EYS: variants seen among roughly 807,000 people sequenced by gnomAD.
EYS encodes protein eyes shut homolog.
A neutral mutation model predicts 282.1 loss-of-function variants in EYS; 250 were observed. That is an observed-to-expected ratio of 0.89 (90% CI 0.80 to 0.98). The LOEUF is 0.98. EYS is among the 50% of genes least tolerant of loss of function. The probability of loss-of-function intolerance (pLI) is 0.00; values close to 1 mark genes in which losing one functional copy is unlikely to be tolerated. For synonymous variants in EYS, 1,355 were observed against 1,282.9 expected (o/e 1.06, Z -1.20); for missense variants, 4,016 against 3,709.0 (o/e 1.08, Z -2.15).
At chr6:64,550,674 C>T (rs1406808442) in intron 26 of EYS, among the ~76,000 whole-genome samples, 2 of 152,136 alleles carry the variant, frequency 1.3e-5, no homozygotes, top group Admixed American at 6.5e-5. Context: ...TCAAATTGTC[C>T]CTGTTTTCAG....
At chr6:65,025,943 T>G (rs2150141061) in intron 13 of EYS, among the ~76,000 whole-genome samples, 1 of 152,294 alleles carries the variant, frequency 6.6e-6, no homozygotes, top group Non-Finnish European at 1.5e-5. Flanking sequence ...TACAAGAGCT[T>G]ATTTTAAAAC....
At chr6:64,062,579 C>T (rs1223809963) in intron 33 of EYS, among the ~76,000 whole-genome samples, 3 of 151,412 alleles carry the variant, frequency 2.0e-5, no homozygotes, top group African/African-American at 4.9e-5. Context: ...GTAATCCCAG[C>T]TGCTTGGAGG....
At chr6:64,624,859 A>G (rs1287972922) in intron 23 of EYS, among the ~76,000 whole-genome samples, 1 of 152,140 alleles carries the variant, frequency 6.6e-6, no homozygotes, top group African/African-American at 2.4e-5. Flanking sequence ...TGAGGTAGGT[A>G]AATAGGGACT....
intron 26 of EYS, among the ~76,000 whole-genome samples, chr6:64,581,364 T>A (rs1582918110): frequency 6.6e-6 from 1 of 152,098 alleles, no homozygotes; most frequent in Non-Finnish European, 1.5e-5. Context: ...TGGGCTGAGT[T>A]GAAAATGAAA....
chr6:64,199,301 T>C (rs1030792074), intron 31 of EYS, among the ~76,000 whole-genome samples: 1 of 152,194 alleles, frequency 6.6e-6, no homozygotes, highest in Admixed American at 6.5e-5. Context: ...CAATTTGATT[T>C]TGACAAACCT....
At chr6:64,000,242 A>AGTGCAGT (rs1768029717) in intron 33 of EYS, among the ~76,000 whole-genome samples, 1 of 113,856 alleles carries the variant, frequency 8.8e-6, no homozygotes, top group African/African-American at 3.4e-5. Flanking sequence ...CCCAGGCTGG[A>AGTGCAGT]GTGCAGTGGC....
intron 12 of EYS, among the ~76,000 whole-genome samples, chr6:65,207,016 C>T (rs189505617): frequency 2.6e-5 from 4 of 151,738 alleles, no homozygotes; most frequent in African/African-American, 4.8e-5. Context: ...TAGTTGAATT[C>T]GTAGCTAGAG....
intron 22 of EYS, among the ~76,000 whole-genome samples, chr6:64,676,310 A>ATATATC (rs1366431365): frequency 8.2e-5 from 11 of 133,382 alleles, no homozygotes; most frequent in South Asian, 5.1e-4. Context: ...TCTATATCCA[A>ATATATC]TATATCTATA....
intron 5 of EYS, among the ~76,000 whole-genome samples, chr6:65,451,393 C>T (rs1259448143): frequency 1.3e-5 from 2 of 152,070 alleles, no homozygotes; most frequent in Non-Finnish European, 2.9e-5. Flanking sequence ...TTTACTACCT[C>T]AATCAAAATG....
intron 14 of EYS, among the ~76,000 whole-genome samples, chr6:64,978,843 G>T (rs549119598): frequency 6.6e-6 from 1 of 151,888 alleles, no homozygotes. Context: ...ACTAGAATTA[G>T]AAGTGGAGCT....
At chr6:65,377,604 T>C (rs1427104237) in intron 8 of EYS, among the ~76,000 whole-genome samples, 1 of 151,488 alleles carries the variant, frequency 6.6e-6, no homozygotes, top group East Asian at 1.9e-4. Context: ...TTTGAAAAGA[T>C]TAAAAAAATA....
Position 65,120,270 on chromosome 6 carries a change from A to G in EYS, c.2024-62543T>C, listed in dbSNP as rs1775497496. On this transcript the variant is annotated intron_variant, in intron 12 of 42. Coordinates refer to ENST00000503581, the MANE Select transcript of EYS (RefSeq NM_001142800.2). ...AAATGAAAATCTACCTCTTCCCCAT[A>G]TGAAGATGGGTTTAAATCAGAAAAC... is the stretch of plus-strand genomic sequence containing the variant. Among the ~76,000 whole-genome samples, 3 of 151,790 alleles carry G rather than the reference A, an allele frequency of 2.0e-5. No homozygotes were observed. In the South Asian group the frequency reaches 6.2e-4, roughly 31 times the overall value.
chr6:64,661,002 A>G (rs887855987), intron 22 of EYS, among the ~76,000 whole-genome samples: 3 of 152,236 alleles, frequency 2.0e-5, no homozygotes, highest in Non-Finnish European at 4.4e-5. Context: ...ACAAGGCTAC[A>G]GTAACCAAAA....
chr6:64,667,145 T>C (rs1769260882), intron 22 of EYS, among the ~76,000 whole-genome samples: 1 of 150,654 alleles, frequency 6.6e-6, no homozygotes, highest in Non-Finnish European at 1.5e-5. Context: ...TAATGAAATG[T>C]GTAAGAGCAC....
intron 26 of EYS, among the ~76,000 whole-genome samples, chr6:64,527,007 A>C (rs1777942484): frequency 6.6e-6 from 1 of 151,850 alleles, no homozygotes; most frequent in African/African-American, 2.4e-5. Flanking sequence ...ACTGTGGATC[A>C]TAGTTTTAGA....
At chr6:64,659,790 C>A (rs1192850465) in intron 22 of EYS, among the ~76,000 whole-genome samples, 1 of 152,030 alleles carries the variant, frequency 6.6e-6, no homozygotes, top group African/African-American at 2.4e-5. Flanking sequence ...GATTCACAGC[C>A]GAATTCTACC....
At chr6:65,406,354 T>C (rs1766740298) in intron 5 of EYS, among the ~76,000 whole-genome samples, 1 of 152,102 alleles carries the variant, frequency 6.6e-6, no homozygotes, top group Non-Finnish European at 1.5e-5. Flanking sequence ...GTGATTTGGC[T>C]TTCCATTTTC....
intron 5 of EYS, among the ~76,000 whole-genome samples, chr6:65,443,370 GTA>G (rs1022822636): frequency 2.8e-5 from 4 of 141,436 alleles, no homozygotes; most frequent in African/African-American, 9.8e-5. Context: ...ATACATGTAT[GTA>G]CACATATAGA....
At chr6:64,793,568 A>G (rs1583164343) in intron 22 of EYS, among the ~76,000 whole-genome samples, 1 of 152,196 alleles carries the variant, frequency 6.6e-6, no homozygotes, top group East Asian at 1.9e-4. Context: ...TAACTAGATC[A>G]CATGCTAGAC....
Sources: gnomAD v4.1 joint callset for allele counts (sites outside exome capture counted in the v4.1 genomes callset) on GRCh38, gnomAD v4.1.1 for gene constraint, MANE v1.5 for transcripts, NCBI Gene and HGNC (gene_info 2026-07-23, HGNC 2026-07-21) for gene names.